The following RORA variants were observed in gnomAD, a reference collection of about 807,000 sequenced individuals.
RORA encodes RAR related orphan receptor A, also known as nuclear receptor ROR-alpha.
RORA carries 7 observed loss-of-function variants against 69.5 expected under a neutral mutation model. The ratio of observed to expected loss-of-function variants is 0.10; its 90% CI spans 0.06 to 0.19. The LOEUF (loss-of-function observed/expected upper bound fraction) is 0.19. Among genes scored for constraint, RORA ranks in the 10% least tolerant of loss-of-function variants. The pLI is 1.00. For synonymous variants in RORA, 261 were observed against 240.8 expected (o/e 1.08, Z -0.78); for missense variants, 457 against 663.0 (o/e 0.69, Z 3.41).
intron 1 of RORA, among the ~76,000 whole-genome samples, chr15:60,916,624 A>T (rs1378700900): frequency 7.1e-6 from 1 of 140,632 alleles, no homozygotes; most frequent in East Asian, 1.9e-4. Context: ...ATATATATAT[A>T]TTTTTAAATA....
rs1379800622 is a variant in RORA at position 60,597,484 on chromosome 15, T to C, written c.197-65633A>G. On this transcript the variant is annotated intron_variant, in intron 2 of 10. Coordinates refer to ENST00000335670, the MANE Select transcript of RORA (RefSeq NM_134261.3). ...GTCCCCATGCTGTGTCCTCACCCCA[T>C]TCCTATACCTGGCAGTGGTACAGGA... Among the ~76,000 whole-genome samples, 15 of 125,842 alleles carry C rather than the reference T, an allele frequency of 1.2e-4. 1 individual carries two copies. The Admixed American group carries it at 1.2e-3, about 10-fold the overall frequency. The allele number at this position is 125,842 out of a possible 152,430, so 82.6% of individuals were successfully genotyped here.
chr15:61,024,445 G>A (rs1045119884), intron 1 of RORA, among the ~76,000 whole-genome samples: 21 of 106,776 alleles, frequency 2.0e-4, no homozygotes, highest in African/African-American at 6.5e-4. Flanking sequence ...TACCATGCCC[G>A]GTAATGTTTT....
chr15:60,967,902 C>A (rs1402189628), intron 1 of RORA, among the ~76,000 whole-genome samples: 1 of 152,152 alleles, frequency 6.6e-6, no homozygotes, highest in African/African-American at 2.4e-5. Context: ...CAAATGCTTG[C>A]CATCTCCCCT....
At chr15:61,048,670 A>G (rs1897153538) in intron 1 of RORA, among the ~76,000 whole-genome samples, 1 of 152,198 alleles carries the variant, frequency 6.6e-6, no homozygotes, top group Non-Finnish European at 1.5e-5. Flanking sequence ...AGGACTCAGG[A>G]CACTTTGACG....
In RORA at chr15:60,838,951, C is replaced by A. The variant is rs374848630; in HGVS notation, c.167-160265G>T. Among the ~76,000 whole-genome samples the A allele has an allele frequency of 2.6e-5, 4 of 151,416 alleles. No homozygotes were observed. In the East Asian group the frequency reaches 7.8e-4, roughly 29 times the overall value. ...TCACTCAGGCTGGAGTGCAGTGGCGCGATCTCTCCTCACTGCAAGCTCCGC... is the reference window on the plus strand; with the variant it reads ...TCACTCAGGCTGGAGTGCAGTGGCGAGATCTCTCCTCACTGCAAGCTCCGC... On this transcript the variant is annotated intron_variant, in intron 1 of 10. Transcript: ENST00000335670.
intron 1 of RORA, among the ~76,000 whole-genome samples, chr15:60,927,080 G>A (rs997506985): frequency 3.9e-5 from 6 of 152,182 alleles, no homozygotes; most frequent in African/African-American, 1.4e-4. Flanking sequence ...AGCCTTGGAA[G>A]GGAAAAAGAG....
intron 1 of RORA, among the ~76,000 whole-genome samples, chr15:60,935,941 T>C (rs1892507017): frequency 6.6e-6 from 1 of 152,196 alleles, no homozygotes; most frequent in Non-Finnish European, 1.5e-5. Context: ...CCAAAATAAG[T>C]TTGAGCCCAA....
chr15:61,185,711 T>A (rs1435393382), intron 1 of RORA, among the ~76,000 whole-genome samples: 1 of 152,244 alleles, frequency 6.6e-6, no homozygotes, highest in Non-Finnish European at 1.5e-5. Context: ...GGACTCAAGT[T>A]CCAGCCTTTG....
Position 60,915,694 on chromosome 15 carries a change from T to C in RORA, c.167-237008A>G, listed in dbSNP as rs570011405. Among the ~76,000 whole-genome samples, 101 of 152,178 alleles carry C rather than the reference T, an allele frequency of 6.6e-4. 1 individual carries two copies. The highest frequency in any genetic ancestry group is 2.7e-3 in the Admixed American group (42 of 15,282). The stretch of plus-strand genomic sequence containing the variant: ...CCACATGTGGCTATTGGCTCCATTA[T>C]TGGGCAGTGAAATGAGGAAGCTTCG... On this transcript the variant is annotated intron_variant, in intron 1 of 10. Transcript: ENST00000335670.
intron 1 of RORA, among the ~76,000 whole-genome samples, chr15:60,884,384 G>C (rs2073728614): frequency 1.3e-5 from 2 of 150,850 alleles, no homozygotes; most frequent in South Asian, 4.2e-4. Context: ...CCTGAAAAAT[G>C]TCATCTGCCC....
At chr15:60,509,725 C>T (rs1046987996) in intron 5 of RORA, among the ~76,000 whole-genome samples, 42 of 150,766 alleles carry the variant, frequency 2.8e-4, no homozygotes, top group Non-Finnish European at 5.6e-4. Flanking sequence ...ACTTTCATTA[C>T]AGTTCTGCTT....
At chr15:60,965,710 T>G (rs1415726888) in intron 1 of RORA, among the ~76,000 whole-genome samples, 1 of 152,246 alleles carries the variant, frequency 6.6e-6, no homozygotes. Flanking sequence ...ACTTGATTTC[T>G]CTGTTTGCAA....
intron 1 of RORA, among the ~76,000 whole-genome samples, chr15:61,011,377 A>G (rs549833432): frequency 1.4e-4 from 21 of 152,346 alleles, no homozygotes; most frequent in African/African-American, 5.0e-4. Flanking sequence ...TCTAATAATG[A>G]TATCCTAAAA....
chr15:61,170,267 T>C (rs2079573928), intron 1 of RORA, among the ~76,000 whole-genome samples: 1 of 152,220 alleles, frequency 6.6e-6, no homozygotes, highest in South Asian at 2.1e-4. Context: ...TTCTGAAAGC[T>C]GTAGGGAGAA....
chr15:61,224,610 G>T (rs964747433), intron 1 of RORA, among the ~76,000 whole-genome samples: 1 of 152,128 alleles, frequency 6.6e-6, no homozygotes, highest in Admixed American at 6.5e-5. Flanking sequence ...GGGAGAAGGT[G>T]GATCTTAATT....
At chr15:60,625,342 TCA>T in intron 2 of RORA, among the ~76,000 whole-genome samples, 1 of 152,290 alleles carries the variant, frequency 6.6e-6, no homozygotes, top group African/African-American at 2.4e-5. Context: ...CAACAGGCAC[TCA>T]CATACATTAT....
chr15:60,971,215 C>A (rs1278915682), intron 1 of RORA, among the ~76,000 whole-genome samples: 1 of 152,184 alleles, frequency 6.6e-6, no homozygotes, highest in African/African-American at 2.4e-5. Flanking sequence ...TTTACAGAAG[C>A]CGCCCTCCTC....
intron 1 of RORA, among the ~76,000 whole-genome samples, chr15:60,801,762 CTTTTTAGCTT>C (rs979677848): frequency 2.6e-5 from 4 of 152,136 alleles, no homozygotes; most frequent in African/African-American, 9.7e-5. Flanking sequence ...TGTTCGTGGG[CTTTTTAGCTT>C]ACAGAAGTCT....
At chr15:60,663,570 C>G (rs754464585) in intron 2 of RORA, among the ~76,000 whole-genome samples, 4 of 152,192 alleles carry the variant, frequency 2.6e-5, no homozygotes, top group Non-Finnish European at 5.9e-5. Context: ...ATTATCTTGC[C>G]TCAGCCCCCC....
Sources: gnomAD v4.1 joint callset for allele counts (sites outside exome capture counted in the v4.1 genomes callset) on GRCh38, gnomAD v4.1.1 for gene constraint, MANE v1.5 for transcripts, NCBI Gene and HGNC (gene_info 2026-07-23, HGNC 2026-07-21) for gene names.